C12orf75: variants seen among roughly 807,000 people sequenced by gnomAD.
C12orf75 encodes overexpressed in colon carcinoma 1 protein.
A neutral mutation model predicts 11.4 loss-of-function variants in C12orf75; 4 were observed. The observed-to-expected ratio is 0.35, with a 90% confidence interval of 0.17 to 0.80. The LOEUF (loss-of-function observed/expected upper bound fraction) is 0.80. C12orf75 is among the 30% of genes least tolerant of loss of function. The pLI is 0.52. For missense variants in C12orf75, 89 were observed against 80.4 expected (o/e 1.11, Z -0.41); for synonymous variants, 30 against 30.0 (o/e 1.00, Z 0.00).
chr12:105,366,821 T>C (rs1157389233), intron 4 of C12orf75, 125 bp downstream of exon 4: 3 of 618,344 alleles, frequency 4.9e-6, no homozygotes, highest in Non-Finnish European at 8.7e-6. Context: ...GAACCATGTA[T>C]AAGTACTGTC....
intron 1 of C12orf75, among the ~76,000 whole-genome samples, chr12:105,334,812 A>G (rs1291009209): frequency 6.6e-6 from 1 of 152,208 alleles, no homozygotes; most frequent in Non-Finnish European, 1.5e-5. Flanking sequence ...TAATGATGTC[A>G]GCAGGTTGGT....
intron 4 of C12orf75, 92 bp from the exon 5 acceptor site, chr12:105,367,380 C>A: frequency 6.4e-6 from 3 of 471,962 alleles, no homozygotes; most frequent in South Asian, 5.7e-5. Flanking sequence ...CTAGCAAATA[C>A]ATGTATGTCA....
chr12:105,367,126 A>C (rs1233469686), intron 4 of C12orf75, among the ~76,000 whole-genome samples: 1 of 152,214 alleles, frequency 6.6e-6, no homozygotes, highest in South Asian at 2.1e-4. Context: ...CTGAGTTTTA[A>C]TAGTTAGCAA....
intron 5 of C12orf75, among the ~76,000 whole-genome samples, chr12:105,368,996 G>A (rs1467444533): frequency 6.6e-6 from 1 of 152,106 alleles, no homozygotes; most frequent in Non-Finnish European, 1.5e-5. Context: ...TTTATTATTT[G>A]TATCAAATAG....
At chr12:105,340,308 C>T (rs967886726) in intron 1 of C12orf75, among the ~76,000 whole-genome samples, 4 of 151,832 alleles carry the variant, frequency 2.6e-5, no homozygotes, top group Non-Finnish European at 5.9e-5. Flanking sequence ...GCCTGTGGTC[C>T]TAGCTACTTG....
intron 1 of C12orf75, among the ~76,000 whole-genome samples, chr12:105,337,570 A>G (rs560510886): frequency 3.3e-5 from 5 of 152,240 alleles, no homozygotes; most frequent in Admixed American, 1.3e-4. Flanking sequence ...AGTTCCCAGG[A>G]AAGGGTTGGT....
At chr12:105,360,410 G>A (rs1892845540) in intron 2 of C12orf75, among the ~76,000 whole-genome samples, 2 of 152,208 alleles carry the variant, frequency 1.3e-5, no homozygotes, top group African/African-American at 4.8e-5. Flanking sequence ...CCTGAGCATG[G>A]CCATTTCCAG....
At chr12:105,368,197 G>GAGC (rs1871532990) in intron 5 of C12orf75, among the ~76,000 whole-genome samples, 2 of 152,170 alleles carry the variant, frequency 1.3e-5, no homozygotes, top group Admixed American at 6.5e-5. Flanking sequence ...AAAAGACATG[G>GAGC]AGCAGCATTT....
chr12:105,342,084 G>T (rs1428272418), intron 1 of C12orf75, among the ~76,000 whole-genome samples: 1 of 152,212 alleles, frequency 6.6e-6, no homozygotes, highest in Non-Finnish European at 1.5e-5. Context: ...AGCAGCATGA[G>T]AACAGACTAA....
chr12:105,350,081 AACAGTGAAT>A (rs1892691359), intron 2 of C12orf75, among the ~76,000 whole-genome samples: 1 of 152,178 alleles, frequency 6.6e-6, no homozygotes, highest in Non-Finnish European at 1.5e-5. Context: ...AACATTTAGC[AACAGTGAAT>A]ACTGCACCCT....
rs1871483193 is a variant in C12orf75, at chr12:105,366,709, ATGTGC to A, written c.187+17_187+21del. On this transcript the variant is annotated intron_variant, in intron 4 of 5. Coordinates refer to ENST00000443585, the MANE Select transcript of C12orf75 (RefSeq NM_001145199.2). ...ACGGTTCGGAAAAGTAAGTGAAATC[ATGTGC>A]TGTTGATTTTCCCTAATTATTTATT... The A allele has an allele frequency of 4.3e-6, 6 of 1,401,918 alleles. No homozygotes were observed. Among genetic ancestry groups the A allele is most frequent in the Non-Finnish European group, 5.9e-6 (6 of 1,012,770 alleles). 86.8% of individuals were successfully genotyped at this position (1,401,918 alleles called of 1,614,324 possible).
At chr12:105,335,998 AG>A (rs1892496014) in intron 1 of C12orf75, among the ~76,000 whole-genome samples, 2 of 152,236 alleles carry the variant, frequency 1.3e-5, no homozygotes, top group South Asian at 4.1e-4. Context: ...GCCTGCATGG[AG>A]GAAGTGGAAC....
At position 105,330,767 on chromosome 12, in the gene C12orf75, C is replaced by A; in HGVS notation, c.-125C>A. On this transcript the variant is annotated 5_prime_UTR_variant, in exon 1 of 6. Transcript: ENST00000443585. ...GCGGTGGGAGGGGGCGGCCCCCACT[C>A]GGTTCCTGGCCCCTCGCGGCCCCGT... 1.0e-6 allele frequency: 1 copy of A among 1,003,280 alleles called. No individual in the cohort carries two copies. Among genetic ancestry groups the A allele is most frequent in the Non-Finnish European group, 1.3e-6 (1 of 793,118 alleles). The allele number at this position is 1,003,280 out of a possible 1,614,324, so 62.1% of individuals were successfully genotyped here.
intron 5 of C12orf75, among the ~76,000 whole-genome samples, chr12:105,370,392 G>GATGTAT (rs1871594308): frequency 6.6e-6 from 1 of 152,184 alleles, no homozygotes; most frequent in Non-Finnish European, 1.5e-5. Flanking sequence ...TGCTTATCAA[G>GATGTAT]ATGTATTTTA....
chr12:105,348,453 AT>A (rs1167402748), intron 1 of C12orf75, 148 bp from the exon 2 acceptor site: 11 of 351,426 alleles, frequency 3.1e-5, no homozygotes, highest in African/African-American at 1.3e-4. Flanking sequence ...GAATTTTATG[AT>A]TTTTTTGCCC....
At chr12:105,361,438 A>G (rs1892863972) in intron 2 of C12orf75, among the ~76,000 whole-genome samples, 1 of 152,202 alleles carries the variant, frequency 6.6e-6, no homozygotes, top group Non-Finnish European at 1.5e-5. Context: ...GTTTCTTGTA[A>G]AAGTGTTGAG....
rs532384913 is a variant in C12orf75, at chr12:105,331,144, C to T, written c.46+207C>T. On this transcript the variant is annotated intron_variant, in intron 1 of 5. Coordinates refer to ENST00000443585, the MANE Select transcript of C12orf75 (RefSeq NM_001145199.2). ...GTTGCGCCTGGAGCAGTCGAGCCTG[C>T]GGGGCGTCTCTGCCGAGGGAGCGCG... Among the ~76,000 whole-genome samples, 796 of 151,984 alleles carry T rather than the reference C, an allele frequency of 5.2e-3. 3 individuals carry two copies. Among genetic ancestry groups the T allele is most frequent in the Non-Finnish European group, 4.7e-3 (318 of 67,890 alleles).
chr12:105,369,386 C>G (rs971826901), intron 5 of C12orf75, among the ~76,000 whole-genome samples: 6 of 152,164 alleles, frequency 3.9e-5, no homozygotes, highest in Admixed American at 3.9e-4. Context: ...TCAACTTTCC[C>G]CATTCTTTAA....
At chr12:105,343,833 T>A (rs1473769807) in intron 1 of C12orf75, among the ~76,000 whole-genome samples, 1 of 152,250 alleles carries the variant, frequency 6.6e-6, no homozygotes, top group Non-Finnish European at 1.5e-5. Flanking sequence ...CATTTTCCTA[T>A]TAAAAAATGG....
Sources: gnomAD v4.1 joint callset for allele counts (sites outside exome capture counted in the v4.1 genomes callset) on GRCh38, gnomAD v4.1.1 for gene constraint, MANE v1.5 for transcripts, NCBI Gene and HGNC (gene_info 2026-07-23, HGNC 2026-07-21) for gene names.